The following CFAP97D2 variants were observed in gnomAD, a reference collection of about 807,000 sequenced individuals.
The protein encoded by CFAP97D2 is CFAP97 domain containing 2.
intron 1 of CFAP97D2, among the ~76,000 whole-genome samples, chr13:114,181,378 C>T (rs1356525877): frequency 6.6e-6 from 1 of 152,114 alleles, no homozygotes; most frequent in Non-Finnish European, 1.5e-5. Context: ...GAGGGTAGGA[C>T]ATGAAACCTG....
At chr13:114,197,787 A>ACCAGTGATACAAC (rs2080894304) in intron 2 of CFAP97D2, among the ~76,000 whole-genome samples, 1 of 152,080 alleles carries the variant, frequency 6.6e-6, no homozygotes, top group African/African-American at 2.4e-5. Flanking sequence ...GGTGCAAGTG[A>ACCAGTGATACAAC]TTCTCCTGCC....
chr13:114,202,965 G>A lies in CFAP97D2; in HGVS notation c.290+2522G>A, dbSNP rs1005202342. On this transcript the variant is annotated intron_variant, in intron 3 of 4. Transcript: ENST00000646158. ...AAGATCGCCATTGTTCCCACTCCGA[G>A]CTCCAGGGCTCTGAGATTTTGCCCA... Among the ~76,000 whole-genome samples the A allele has an allele frequency of 2.0e-5, 3 of 152,172 alleles. No individual in the cohort carries two copies. In the East Asian group the frequency reaches 5.8e-4, roughly 29 times the overall value.
Position 114,211,818 on chromosome 13 carries a change from G to T in CFAP97D2, c.291-94G>T. The stretch of plus-strand genomic sequence containing the variant: ...AAGCAGGAGCAACCCTCCACCCCGG[G>T]ACCCCTTCCTGCTCTGGAGCCTGTT... On this transcript the variant is annotated intron_variant, in intron 3 of 4. Coordinates refer to ENST00000646158, the Ensembl canonical transcript of CFAP97D2. This position sits in a 1 kb window ranked among gnomAD's most constrained non-coding sequence, Gnocchi z 4.2. The T allele has an allele frequency of 2.5e-6, 1 of 397,854 alleles. No individual in the cohort carries two copies. The highest frequency in any genetic ancestry group is 4.4e-6 in the Non-Finnish European group (1 of 226,046). 24.6% of individuals were successfully genotyped at this position (397,854 alleles called of 1,614,324 possible).
In CFAP97D2 at chr13:114,222,425, T is replaced by A; in HGVS notation, c.481-73T>A. Reference sequence around the variant, plus strand: ...TTGTCAATGAGTTGAAATATTCCATTTCCCAAGTAAGTTGATAGTTTCTTG... The same window carrying A: ...TTGTCAATGAGTTGAAATATTCCATATCCCAAGTAAGTTGATAGTTTCTTG... On this transcript the variant is annotated intron_variant, in intron 4 of 4. Transcript: ENST00000646158. The surrounding 1 kb of genome is among the most constrained non-coding windows in gnomAD (Gnocchi z 4.4). The A allele has an allele frequency of 2.5e-6, 1 of 398,488 alleles. No homozygotes were observed. The highest frequency in any genetic ancestry group is 4.4e-6 in the Non-Finnish European group (1 of 226,026). 24.7% of individuals were successfully genotyped at this position (398,488 alleles called of 1,614,324 possible).
In CFAP97D2 at chr13:114,212,891, GA is replaced by G. The variant is rs2080974459; in HGVS notation, c.480+797del. Among the ~76,000 whole-genome samples, 4 of 152,010 alleles carry G rather than the reference GA, an allele frequency of 2.6e-5. No homozygotes were observed. In the South Asian group the frequency reaches 6.2e-4, roughly 24 times the overall value. ...AAAAATTAAAAAGAAAAGGAAAAAA[GA>G]AAAAAAGAAATCATGTGATGATCCT... On this transcript the variant is annotated intron_variant, in intron 4 of 4. Transcript: ENST00000646158.
chr13:114,215,689 A>T (rs1399371010), intron 4 of CFAP97D2: 1 of 152,196 alleles, frequency 6.6e-6, no homozygotes, highest in Non-Finnish European at 1.5e-5. Flanking sequence ...CACTTCATAG[A>T]AATTGTTCTC....
chr13:114,182,330 AG>A (rs1357204060), intron 1 of CFAP97D2, among the ~76,000 whole-genome samples: 1 of 152,080 alleles, frequency 6.6e-6, no homozygotes, highest in African/African-American at 2.4e-5. Flanking sequence ...CTCCCGCCAT[AG>A]GGCTGTTTTT....
chr13:114,216,115 C>G (rs1440251000), intron 4 of CFAP97D2, among the ~76,000 whole-genome samples: 1 of 152,142 alleles, frequency 6.6e-6, no homozygotes, highest in Non-Finnish European at 1.5e-5. Flanking sequence ...CCTCCCAGAG[C>G]CTCCCACCTC....
chr13:114,218,510 G>T (rs2081005817), intron 4 of CFAP97D2, among the ~76,000 whole-genome samples: 1 of 152,112 alleles, frequency 6.6e-6, no homozygotes, highest in Non-Finnish European at 1.5e-5. Context: ...TTTCTTCACA[G>T]AATTGGAAAA....
At chr13:114,195,562 G>T (rs2080883224) in intron 1 of CFAP97D2, among the ~76,000 whole-genome samples, 1 of 152,170 alleles carries the variant, frequency 6.6e-6, no homozygotes, top group Admixed American at 6.5e-5. Flanking sequence ...AGAATATGCG[G>T]GGATTCCTTT....
At position 114,181,717 on chromosome 13, in the gene CFAP97D2, T is replaced by A. The variant is rs59468770; in HGVS notation, c.90+2297T>A. ...AGAATCTCTGAAACTGTAAAGGACC[T>A]TGGTAGAATAAGAGGAGATAAAATA... is the stretch of plus-strand genomic sequence containing the variant. On this transcript the variant is annotated intron_variant, in intron 1 of 4. Coordinates refer to ENST00000646158, the Ensembl canonical transcript of CFAP97D2. 1.6e-4 allele frequency among the ~76,000 whole-genome samples: 24 copies of A among 152,194 alleles called. No homozygotes were observed. The East Asian group carries it at 2.1e-3, about 13-fold the overall frequency.
At chr13:114,206,120 T>C (rs75864757) in intron 3 of CFAP97D2, among the ~76,000 whole-genome samples, 2 of 150,980 alleles carry the variant, frequency 1.3e-5, no homozygotes, top group African/African-American at 4.9e-5. Context: ...TTTTTTTTTT[T>C]TGAGACAAAG....
At chr13:114,191,334 A>T (rs189406677) in intron 1 of CFAP97D2, among the ~76,000 whole-genome samples, 2 of 152,370 alleles carry the variant, frequency 1.3e-5, no homozygotes, top group African/African-American at 4.8e-5. Flanking sequence ...ATCAGGAGAC[A>T]TCTATAGACT....
At position 114,187,850 on chromosome 13, in the gene CFAP97D2, T is replaced by G. The variant is rs773876233; in HGVS notation, c.90+8430T>G. ...CCAAGATAGATCATGGATCATCTTC[T>G]GGGCCACAAAACACATATTAGCAAA... On this transcript the variant is annotated intron_variant, in intron 1 of 4. Coordinates refer to ENST00000646158, the Ensembl canonical transcript of CFAP97D2. The surrounding 1 kb of genome is among the most constrained non-coding windows in gnomAD (Gnocchi z 4.2). Among the ~76,000 whole-genome samples, 4 of 152,222 alleles carry G rather than the reference T, an allele frequency of 2.6e-5. No individual in the cohort carries two copies. Among genetic ancestry groups the G allele is most frequent in the Non-Finnish European group, 5.9e-5 (4 of 68,042 alleles).
chr13:114,214,626 A>G (rs979575056), intron 4 of CFAP97D2, among the ~76,000 whole-genome samples: 4 of 150,450 alleles, frequency 2.7e-5, no homozygotes, highest in Non-Finnish European at 4.4e-5. Context: ...TCACTCTGTC[A>G]CCCAGGCTGG....
chr13:114,193,156 TA>T (rs1474118676), intron 1 of CFAP97D2, among the ~76,000 whole-genome samples: 1 of 152,184 alleles, frequency 6.6e-6, no homozygotes, highest in Admixed American at 6.5e-5. Flanking sequence ...AAAAATATTT[TA>T]CAATAGATAT....
chr13:114,195,256 G>A (rs976158278), intron 1 of CFAP97D2, among the ~76,000 whole-genome samples: 2 of 152,206 alleles, frequency 1.3e-5, no homozygotes, highest in Non-Finnish European at 2.9e-5. Flanking sequence ...ATGTGACCAT[G>A]TCACTCCTCT....
intron 1 of CFAP97D2, among the ~76,000 whole-genome samples, chr13:114,182,579 C>G (rs1021277049): frequency 2.0e-5 from 3 of 152,154 alleles, no homozygotes; most frequent in African/African-American, 7.2e-5. Context: ...TGGACAATAC[C>G]CCGCTTTCAA....
At chr13:114,206,785 T>G (rs1566615261) in intron 3 of CFAP97D2, among the ~76,000 whole-genome samples, 1 of 152,142 alleles carries the variant, frequency 6.6e-6, no homozygotes, top group African/African-American at 2.4e-5. Flanking sequence ...ATGAGTGACT[T>G]GTATGGTATG....
Sources: gnomAD v4.1 joint callset for allele counts (sites outside exome capture counted in the v4.1 genomes callset) on GRCh38, gnomAD v4.1.1 for gene constraint, Gnocchi (gnomAD v3.1) non-coding constraint, MANE v1.5 for transcripts, NCBI Gene and HGNC (gene_info 2026-07-23, HGNC 2026-07-21) for gene names.